The following ZNF782 variants were observed in gnomAD, a reference collection of about 807,000 sequenced individuals.
The protein encoded by ZNF782 is zinc finger protein 782.
Under a neutral mutation model 13.0 loss-of-function variants are expected in ZNF782, and 12 were observed. The ratio of observed to expected loss-of-function variants is 0.92; its 90% CI spans 0.59 to 1.50. The LOEUF is 1.50. ZNF782 is among the 40% of genes most tolerant of loss of function. ZNF782 has a pLI of 0.00. For synonymous variants in ZNF782, 284 were observed against 283.0 expected (o/e 1.00, Z -0.04); for missense variants, 770 against 822.9 (o/e 0.94, Z 0.79).
rs889951868 is a variant in ZNF782, at chr9:96,851,000, C to T, written c.15+947G>A. On this transcript the variant is annotated intron_variant, in intron 3 of 5. Coordinates refer to ENST00000481138, the MANE Select transcript of ZNF782 (RefSeq NM_001001662.3). This position sits in a 1 kb window ranked among gnomAD's most constrained non-coding sequence, Gnocchi z 4.3. ...GTATATTAGCACAAGGATGGTAAAG[C>T]GGTGTGAAAATTATAAATTTTTATA... 7.9e-5 allele frequency among the ~76,000 whole-genome samples: 12 copies of T among 151,974 alleles called. No individual in the cohort carries two copies. The highest frequency in any genetic ancestry group is 2.1e-4 in the South Asian group (1 of 4,822).
chr9:96,876,012 G>A (rs1443201789), upstream of ZNF782, among the ~76,000 whole-genome samples: 1 of 152,190 alleles, frequency 6.6e-6, no homozygotes, highest in Non-Finnish European at 1.5e-5. Context: ...TTCTCTATTG[G>A]ATGATTGGAA....
chr9:96,933,250 T>C, the ZNF782 span, among the ~76,000 whole-genome samples: 3 of 151,938 alleles, frequency 2.0e-5, no homozygotes, highest in South Asian at 2.1e-4. Context: ...AGTGCTGCGA[T>C]TGCAGGCATG....
chr9:96,881,459 A>C, the ZNF782 span, among the ~76,000 whole-genome samples: 2 of 152,266 alleles, frequency 1.3e-5, no homozygotes, highest in Admixed American at 6.5e-5. Context: ...TAAATGATAC[A>C]AATTGTGAAT....
At chr9:96,912,887 T>A in the ZNF782 span, among the ~76,000 whole-genome samples, 1 of 151,882 alleles carries the variant, frequency 6.6e-6, no homozygotes, top group East Asian at 1.9e-4. Context: ...GTTTGATATA[T>A]GCATGAAACA....
chr9:96,845,436 T>G (rs1851317337), intron 3 of ZNF782, among the ~76,000 whole-genome samples: 1 of 152,180 alleles, frequency 6.6e-6, no homozygotes, highest in Non-Finnish European at 1.5e-5. Context: ...TTTTTTGTAT[T>G]TTAGTAGAGA....
At chr9:96,878,577 T>C (rs761411421), upstream of ZNF782, among the ~76,000 whole-genome samples, 13 of 152,214 alleles carry the variant, frequency 8.5e-5, no homozygotes, top group Non-Finnish European at 1.8e-4. Context: ...TACAATTTTC[T>C]TTTAACATGT....
At chr9:96,923,857 T>TA in the ZNF782 span, among the ~76,000 whole-genome samples, 1 of 149,692 alleles carries the variant, frequency 6.7e-6, no homozygotes, top group African/African-American at 2.4e-5. Flanking sequence ...CCTTTTTTTT[T>TA]TTGAGATGGA....
Position 96,816,491 on chromosome 9 carries a change from ATTTTTTG to A in ZNF782, c.*1425_*1431del, listed in dbSNP as rs1850173690. On this transcript the variant is annotated 3_prime_UTR_variant, in exon 6 of 6. Transcript: ENST00000481138. ...CACTGCTTTTCAGTTTATGCAGTTT[ATTTTTTG>A]TTCTTTTTAAGCTTTTTATTATAGT... is the stretch of plus-strand genomic sequence containing the variant. The A allele has an allele frequency of 1.3e-5, 2 of 152,070 alleles. No individual in the cohort carries two copies. Among genetic ancestry groups the A allele is most frequent in the Admixed American group, 1.3e-4 (2 of 15,260 alleles). The allele number at this position is 152,070 out of a possible 1,614,324, so 9.4% of individuals were successfully genotyped here. A position where few individuals can be genotyped will look rare whatever the true frequency, so the allele number is the denominator to read the frequency against.
At chr9:96,927,807 T>C in the ZNF782 span, among the ~76,000 whole-genome samples, 1 of 148,704 alleles carries the variant, frequency 6.7e-6, no homozygotes, top group Non-Finnish European at 1.5e-5. Context: ...CTGGCCACTA[T>C]GTTCTTTCAT....
chr9:96,840,018 C>G (rs903124038), intron 4 of ZNF782, among the ~76,000 whole-genome samples: 2 of 152,120 alleles, frequency 1.3e-5, no homozygotes, highest in African/African-American at 2.4e-5. Context: ...GGTATTGTTG[C>G]TGAGTACTGT....
chr9:96,852,208 T>C (rs1042485945), intron 2 of ZNF782, among the ~76,000 whole-genome samples: 1 of 152,270 alleles, frequency 6.6e-6, no homozygotes, highest in Non-Finnish European at 1.5e-5. Context: ...CTTAAACTGC[T>C]GTTTTTTATT....
At chr9:96,885,793 TTTCCTTCCTTCCTTCCTTCCCCTTCC>T in the ZNF782 span, among the ~76,000 whole-genome samples, 1 of 151,968 alleles carries the variant, frequency 6.6e-6, no homozygotes, top group Non-Finnish European at 1.5e-5. Context: ...ATAACTTATT[TTTCCTTCCTTCCTTCCTTCCCCTTCC>T]TTCCTTCCTT....
At chr9:96,851,290 G>A (rs1211008248) in intron 3 of ZNF782, among the ~76,000 whole-genome samples, 1 of 152,122 alleles carries the variant, frequency 6.6e-6, no homozygotes, top group African/African-American at 2.4e-5. Context: ...CTTATAAGAA[G>A]CTGACTAATG....
chr9:96,891,426 TC>T, the ZNF782 span: 1 of 152,234 alleles, frequency 6.6e-6, no homozygotes, highest in African/African-American at 2.4e-5. Context: ...AATGCACAGA[TC>T]TTGAGTGTAC....
At chr9:96,904,029 A>C in the ZNF782 span, among the ~76,000 whole-genome samples, 1 of 151,204 alleles carries the variant, frequency 6.6e-6, no homozygotes, top group Admixed American at 6.6e-5. Context: ...CACATTCTCC[A>C]CATCACTTGG....
At chr9:96,857,406 T>G (rs1051563182), upstream of ZNF782, among the ~76,000 whole-genome samples, 4 of 152,202 alleles carry the variant, frequency 2.6e-5, no homozygotes, top group African/African-American at 9.6e-5. Context: ...GCAAAGTCTC[T>G]GTAGAACATA....
the ZNF782 span, among the ~76,000 whole-genome samples, chr9:96,899,080 G>A: frequency 6.7e-6 from 1 of 149,056 alleles, no homozygotes; most frequent in Non-Finnish European, 1.5e-5. Flanking sequence ...GAGTATTCTA[G>A]GTACCTCCTA....
chr9:96,881,640 A>C, the ZNF782 span, among the ~76,000 whole-genome samples: 5 of 152,202 alleles, frequency 3.3e-5, no homozygotes, highest in East Asian at 9.6e-4. Flanking sequence ...CAAATATCTA[A>C]TTGTTCCATC....
chr9:96,865,171 A>C (rs1851742174), intron 1 of ZNF782, among the ~76,000 whole-genome samples: 1 of 152,182 alleles, frequency 6.6e-6, no homozygotes, highest in Non-Finnish European at 1.5e-5. Flanking sequence ...TTCTCTTCTG[A>C]CCAGGGTGAC....
Sources: gnomAD v4.1 joint callset for allele counts (sites outside exome capture counted in the v4.1 genomes callset) on GRCh38, gnomAD v4.1.1 for gene constraint, Gnocchi (gnomAD v3.1) non-coding constraint, MANE v1.5 for transcripts, NCBI Gene and HGNC (gene_info 2026-07-23, HGNC 2026-07-21) for gene names.